Variants in EXOC1 observed in about 807,000 individuals in gnomAD.
The protein encoded by EXOC1 is SEC3-like 1.
EXOC1 carries 67 observed loss-of-function variants against 107.7 expected under a neutral mutation model. The ratio of observed to expected loss-of-function variants is 0.62; its 90% confidence interval spans 0.51 to 0.76. EXOC1 has a LOEUF of 0.76. Ranked by LOEUF, EXOC1 falls within the 30% of genes least tolerant of loss-of-function variation. EXOC1 has a pLI of 0.00. For synonymous variants in EXOC1, 348 were observed against 353.5 expected (o/e 0.98, Z 0.17); for missense variants, 833 against 1,055.7 (o/e 0.79, Z 2.92).
At chr4:55,880,917 G>A (rs1178111351) in intron 9 of EXOC1, among the ~76,000 whole-genome samples, 1 of 152,042 alleles carries the variant, frequency 6.6e-6, no homozygotes, top group Admixed American at 6.6e-5. Flanking sequence ...CTGAAGAGTT[G>A]TCAAAAACAG....
chr4:55,887,619 T>A (rs1577742952), intron 10 of EXOC1, among the ~76,000 whole-genome samples: 1 of 151,848 alleles, frequency 6.6e-6, no homozygotes, highest in Non-Finnish European at 1.5e-5. Context: ...TAGTCAGGCA[T>A]GGTGATCCAC....
chr4:55,863,902 A>T (rs1223833787), intron 3 of EXOC1, among the ~76,000 whole-genome samples: 1 of 152,226 alleles, frequency 6.6e-6, no homozygotes, highest in Admixed American at 6.5e-5. Context: ...AATTAGGTCC[A>T]TGTCAAAGCT....
At chr4:55,856,164 C>G (rs888780290) in intron 1 of EXOC1, among the ~76,000 whole-genome samples, 1 of 152,220 alleles carries the variant, frequency 6.6e-6, no homozygotes, top group Non-Finnish European at 1.5e-5. Context: ...ATTTGTAATG[C>G]ACGCAATGAG....
chr4:55,884,314 C>CT (rs1723675171), intron 10 of EXOC1, among the ~76,000 whole-genome samples: 1 of 152,136 alleles, frequency 6.6e-6, no homozygotes, highest in East Asian at 1.9e-4. Context: ...GGGGGCAAGT[C>CT]ACTAATCTCT....
intron 16 of EXOC1, among the ~76,000 whole-genome samples, chr4:55,898,531 C>T (rs958904420): frequency 1.3e-5 from 2 of 152,106 alleles, no homozygotes; most frequent in African/African-American, 4.8e-5. Context: ...AACTATTTAT[C>T]CCCAAAAATC....
rs996040146 is a variant in EXOC1 at position 55,858,596 on chromosome 4, CTGT to C, written c.124+151_124+153del. On this transcript the variant is annotated intron_variant, in intron 2 of 18. Transcript: ENST00000381295. Reference sequence around the variant, plus strand: ...CTAGTTAACACTTGGCTTTGACAGGCTGTTAATTGTTGTCAATCTGGTGGCAGT... The same window carrying C: ...CTAGTTAACACTTGGCTTTGACAGGCTAATTGTTGTCAATCTGGTGGCAGT... 24 of 765,334 alleles carry C rather than the reference CTGT, an allele frequency of 3.1e-5. No homozygotes were observed. The Admixed American group carries it at 7.6e-4, about 24-fold the overall frequency. The allele number at this position is 765,334 out of a possible 1,614,324, so 47.4% of individuals were successfully genotyped here. A position where few individuals can be genotyped will look rare whatever the true frequency, so the allele number is the denominator to read the frequency against.
chr4:55,867,905 T>C (rs868225114), intron 4 of EXOC1, among the ~76,000 whole-genome samples: 12 of 152,050 alleles, frequency 7.9e-5, no homozygotes, highest in African/African-American at 2.9e-4. Context: ...AAAAGAAAAA[T>C]TTCACCTGGG....
intron 2 of EXOC1, among the ~76,000 whole-genome samples, chr4:55,859,113 T>C (rs2110308437): frequency 6.6e-6 from 1 of 152,330 alleles, no homozygotes; most frequent in Middle Eastern, 3.4e-3. Context: ...TATTTTTATT[T>C]TGTTTTTGTT....
At chr4:55,859,228 C>T (rs996384485) in intron 2 of EXOC1, among the ~76,000 whole-genome samples, 4 of 152,048 alleles carry the variant, frequency 2.6e-5, no homozygotes, top group Non-Finnish European at 5.9e-5. Context: ...AGAGAACTTG[C>T]ATTTTTATTG....
rs768464292 is a variant in EXOC1 at position 55,892,694 on chromosome 4, A to T, written c.1707A>T (p.Pro569=). The T allele has an allele frequency of 1.9e-6, 3 of 1,614,094 alleles. No individual in the cohort carries two copies. In the South Asian group the frequency reaches 3.3e-5, roughly 18 times the overall value. Residue 569 remains proline (P), a synonymous_variant, in exon 14 of 19, where the codon CCA becomes CCT. Transcript: ENST00000381295. ...TLSRQHNCGT[P]LPVSSEKDMI... ...CACGGCAACATAATTGTGGCACACCACTGCCTGTTTCATCTGAGTATGTCT... is the reference window on the plus strand; with the variant it reads ...CACGGCAACATAATTGTGGCACACCTCTGCCTGTTTCATCTGAGTATGTCT...
In EXOC1 at chr4:55,858,339, CA is replaced by C; in HGVS notation, c.17del (p.His6LeufsTer16). The C allele has an allele frequency of 1.2e-6, 2 of 1,606,762 alleles. No individual in the cohort carries two copies. Among genetic ancestry groups the C allele is most frequent in the Non-Finnish European group, 1.7e-6 (2 of 1,176,834 alleles). The stretch of plus-strand genomic sequence containing the variant: ...CTGAGAAAAGATGACAGCAATCAAG[CA>C]TGCATTACAAAGAGACATTTTTACA... The part of the protein sequence containing the change: MTAIK[H>X]ALQRDIFTPN... On this transcript the variant is annotated frameshift_variant, in exon 2 of 19. Transcript: ENST00000381295. LOFTEE classifies it high-confidence loss of function.
At chr4:55,884,302 T>C (rs763574814) in intron 10 of EXOC1, among the ~76,000 whole-genome samples, 1 of 152,144 alleles carries the variant, frequency 6.6e-6, no homozygotes, top group African/African-American at 2.4e-5. Context: ...TTTATAACAG[T>C]TGGGGGCAAG....
At chr4:55,873,679 C>T (rs757750649) in intron 8 of EXOC1, among the ~76,000 whole-genome samples, 13 of 152,086 alleles carry the variant, frequency 8.5e-5, no homozygotes, top group African/African-American at 1.9e-4. Flanking sequence ...AAAATCAGAA[C>T]GCTGCGACAA....
chr4:55,869,960 G>A (rs1430683714), intron 5 of EXOC1, among the ~76,000 whole-genome samples: 1 of 151,920 alleles, frequency 6.6e-6, no homozygotes, highest in African/African-American at 2.4e-5. Flanking sequence ...TTTTGGATTT[G>A]GCAGTTTCCT....
At chr4:55,900,125 T>G (rs2109506272) in intron 17 of EXOC1, among the ~76,000 whole-genome samples, 1 of 152,292 alleles carries the variant, frequency 6.6e-6, no homozygotes, top group East Asian at 1.9e-4. Context: ...GTACTAGTAT[T>G]CTATTATGCA....
chr4:55,875,356 T>A, intron 8 of EXOC1: 1 of 809,322 alleles, frequency 1.2e-6, no homozygotes, highest in Non-Finnish European at 1.5e-6. Context: ...GGAACTTTGC[T>A]CAGATTTTTT....
chr4:55,862,930 TC>T (rs1185622667), intron 3 of EXOC1, among the ~76,000 whole-genome samples: 1 of 152,216 alleles, frequency 6.6e-6, no homozygotes, highest in Non-Finnish European at 1.5e-5. Flanking sequence ...AGACAGGGTC[TC>T]ACTCTGTCAC....
intron 2 of EXOC1, among the ~76,000 whole-genome samples, chr4:55,859,951 G>A (rs530923952): frequency 1.1e-4 from 16 of 152,302 alleles, no homozygotes; most frequent in Admixed American, 4.6e-4. Context: ...CAGGAGCAGT[G>A]GCTCATGCCT....
chr4:55,858,753 T>G (rs937235442), intron 2 of EXOC1, among the ~76,000 whole-genome samples: 4 of 152,210 alleles, frequency 2.6e-5, no homozygotes, highest in African/African-American at 9.6e-5. Flanking sequence ...CTTTTACTCA[T>G]TTTTCTGTTG....
Sources: gnomAD v4.1 joint callset for allele counts (sites outside exome capture counted in the v4.1 genomes callset) on GRCh38, gnomAD v4.1.1 for gene constraint, MANE v1.5 for transcripts, NCBI Gene and HGNC (gene_info 2026-07-23, HGNC 2026-07-21) for gene names.